The following NUMB variants were observed in gnomAD, a reference collection of about 807,000 sequenced individuals.
NUMB encodes the protein protein numb homolog.
NUMB carries 29 observed loss-of-function variants against 59.7 expected under a neutral mutation model. The observed-to-expected ratio is 0.49, with a 90% CI of 0.36 to 0.66. The LOEUF is 0.66. Ranked by LOEUF, NUMB falls within the 30% of genes least tolerant of loss-of-function variation. The pLI, the probability that NUMB is intolerant of heterozygous loss-of-function variation, is 0.00. For synonymous variants in NUMB, 288 were observed against 288.2 expected, an observed-to-expected ratio of 1.00 and a Z score of 0.01; for missense variants, 723 against 822.0, an observed-to-expected ratio of 0.88 and a Z score of 1.47.
intron 4 of NUMB, among the ~76,000 whole-genome samples, chr14:73,326,284 TAGATCAGAATAGCACCGC>T (rs1278855818): frequency 6.6e-6 from 1 of 152,040 alleles, no homozygotes; most frequent in Non-Finnish European, 1.5e-5. Context: ...ACACACAGAA[TAGATCAGAATAGCACCGC>T]AGATCAGAAT....
chr14:73,376,541 AC>A (rs1393392439), intron 2 of NUMB, among the ~76,000 whole-genome samples: 10 of 149,910 alleles, frequency 6.7e-5, no homozygotes, highest in East Asian at 3.9e-4. Flanking sequence ...AAAAAAAAAA[AC>A]AAGTAAAAAT....
chr14:73,367,348 TAGAGAGAGAGAGAG>T (rs71112740), intron 2 of NUMB, among the ~76,000 whole-genome samples: 1 of 105,328 alleles, frequency 9.5e-6, no homozygotes, highest in Non-Finnish European at 1.7e-5. Context: ...TATATATATA[TAGAGAGAGAGAGAG>T]AGAGAGAGAG....
chr14:73,398,892 C>T (rs976078097), intron 2 of NUMB, among the ~76,000 whole-genome samples: 2 of 152,090 alleles, frequency 1.3e-5, no homozygotes, highest in Non-Finnish European at 2.9e-5. Flanking sequence ...TCGGTATATA[C>T]TAGAGTAACC....
chr14:73,296,529 TGA>T (rs1889782948), intron 7 of NUMB, among the ~76,000 whole-genome samples: 1 of 152,282 alleles, frequency 6.6e-6, no homozygotes, highest in South Asian at 2.1e-4. Context: ...AACAATATGT[TGA>T]GAGAATACTA....
At chr14:73,426,615 G>A (rs1340233812) in intron 1 of NUMB, among the ~76,000 whole-genome samples, 1 of 152,144 alleles carries the variant, frequency 6.6e-6, no homozygotes, top group Non-Finnish European at 1.5e-5. Context: ...GGGAGGCTGA[G>A]GCGGGCAGAT....
At chr14:73,316,326 T>C in intron 6 of NUMB, 64 bp downstream of exon 6, 1 of 1,384,998 alleles carries the variant, frequency 7.2e-7, no homozygotes, top group Non-Finnish European at 1.0e-6. Context: ...TTAAAAAATA[T>C]GTCAGTGCTA....
At chr14:73,395,324 A>T (rs865847581) in intron 2 of NUMB, among the ~76,000 whole-genome samples, 25 of 152,128 alleles carry the variant, frequency 1.6e-4, no homozygotes, top group Middle Eastern at 3.4e-3. Context: ...ATCCTAATAC[A>T]TTTTAAAGGG....
intron 2 of NUMB, among the ~76,000 whole-genome samples, chr14:73,400,222 G>A (rs533344867): frequency 3.7e-4 from 56 of 152,238 alleles, no homozygotes; most frequent in African/African-American, 1.2e-3. Flanking sequence ...TCTGGAAAAG[G>A]CACAACTATG....
chr14:73,308,970 A>G (rs1393336983), intron 6 of NUMB, among the ~76,000 whole-genome samples: 1 of 152,230 alleles, frequency 6.6e-6, no homozygotes, highest in East Asian at 1.9e-4. Flanking sequence ...TCAACAGAAG[A>G]AGGAACTGAG....
intron 2 of NUMB, among the ~76,000 whole-genome samples, chr14:73,372,561 A>G (rs902233512): frequency 6.6e-6 from 1 of 150,714 alleles, no homozygotes; most frequent in Non-Finnish European, 1.5e-5. Flanking sequence ...TTCAAATCCA[A>G]CATCACAGGG....
At chr14:73,366,804 C>T (rs992104484) in intron 3 of NUMB, 93 bp downstream of exon 3, 1 of 152,082 alleles carries the variant, frequency 6.6e-6, no homozygotes, top group African/African-American at 2.4e-5. Context: ...AACAGTTAAG[C>T]AATATTAATA....
intron 5 of NUMB, among the ~76,000 whole-genome samples, chr14:73,320,274 T>C (rs557322110): frequency 3.9e-5 from 6 of 152,342 alleles, no homozygotes; most frequent in Non-Finnish European, 7.3e-5. Flanking sequence ...CCAAATCTAG[T>C]TTTTGTCTGA....
intron 1 of NUMB, among the ~76,000 whole-genome samples, chr14:73,456,752 G>A (rs1884401877): frequency 1.3e-5 from 2 of 152,062 alleles, no homozygotes; most frequent in East Asian, 1.9e-4. Context: ...CATTATTACC[G>A]GTTTCATTAA....
chr14:73,449,279 C>T (rs1883761950), intron 1 of NUMB, among the ~76,000 whole-genome samples: 1 of 152,006 alleles, frequency 6.6e-6, no homozygotes, highest in African/African-American at 2.4e-5. Context: ...GTGACCTGTG[C>T]ATCTATGGAT....
intron 6 of NUMB, among the ~76,000 whole-genome samples, chr14:73,311,387 G>T (rs562752212): frequency 2.6e-5 from 4 of 152,246 alleles, no homozygotes; most frequent in South Asian, 4.2e-4. Context: ...TTTGGAAAAA[G>T]TTATTTCAGG....
intron 4 of NUMB, among the ~76,000 whole-genome samples, chr14:73,332,300 C>T (rs145374653): frequency 4.0e-5 from 6 of 151,864 alleles, no homozygotes; most frequent in Non-Finnish European, 7.4e-5. Flanking sequence ...GTTGCCCTGG[C>T]TGGAGTTCAG....
At chr14:73,416,223 G>C (rs113620932) in intron 1 of NUMB, among the ~76,000 whole-genome samples, 4 of 152,054 alleles carry the variant, frequency 2.6e-5, no homozygotes, top group Non-Finnish European at 4.4e-5. Context: ...AAGCTTTATT[G>C]AGACCTGCAA....
chr14:73,390,277 C>T (rs773213830), intron 2 of NUMB, among the ~76,000 whole-genome samples: 8 of 152,092 alleles, frequency 5.3e-5, no homozygotes, highest in Non-Finnish European at 1.0e-4. Context: ...TTATTAAGTG[C>T]TAAGAGGAGC....
At position 73,284,426 on chromosome 14, in the gene NUMB, C is replaced by T. The variant is rs765972763; in HGVS notation, c.656-52G>A. 1.5e-5 allele frequency: 22 copies of T among 1,511,422 alleles called. No individual in the cohort carries two copies. The East Asian group carries it at 3.2e-4, about 22-fold the overall frequency. 93.6% of individuals were successfully genotyped at this position (1,511,422 alleles called of 1,614,324 possible). ...CTTAGCAATGTCTTCAAATAATTTG[C>T]GTTTAGAGAGCTGACAAATTCGAAA... On this transcript the variant is annotated intron_variant, in intron 9 of 12. Transcript: ENST00000555238.
Sources: gnomAD v4.1 joint callset for allele counts (sites outside exome capture counted in the v4.1 genomes callset) on GRCh38, gnomAD v4.1.1 for gene constraint, MANE v1.5 for transcripts, NCBI Gene and HGNC (gene_info 2026-07-23, HGNC 2026-07-21) for gene names.